Variants in CDH8 observed in about 807,000 individuals in gnomAD.
CDH8 encodes the protein cadherin-8.
A neutral mutation model predicts 68.1 loss-of-function variants in CDH8; 17 were observed. The ratio of observed to expected loss-of-function variants is 0.25; its 90% confidence interval spans 0.17 to 0.37. CDH8 has a LOEUF of 0.37. CDH8 is among the 10% of genes least tolerant of loss of function. CDH8 has a pLI of 1.00. For synonymous variants in CDH8, 372 were observed against 365.1 expected (o/e 1.02, Z -0.21); for missense variants, 763 against 999.3 (o/e 0.76, Z 3.19).
intron 8 of CDH8, chr16:61,743,265 A>G (rs1473092526): frequency 6.6e-6 from 1 of 152,176 alleles, no homozygotes; most frequent in African/African-American, 2.4e-5. Flanking sequence ...TGAAGAATCT[A>G]TCACGGGAGC....
chr16:61,737,492 A>T (rs1215493426), intron 8 of CDH8, among the ~76,000 whole-genome samples: 4 of 152,168 alleles, frequency 2.6e-5, no homozygotes, highest in Non-Finnish European at 4.4e-5. Flanking sequence ...AATAAAATTG[A>T]TGGGAATTTG....
chr16:61,720,368 C>T (rs146713465), intron 9 of CDH8, among the ~76,000 whole-genome samples: 8 of 151,032 alleles, frequency 5.3e-5, no homozygotes, highest in South Asian at 2.1e-4. Context: ...TGGAAACAAG[C>T]GTATTCAGGT....
At chr16:61,802,178 AC>A (rs1961663280) in intron 7 of CDH8, among the ~76,000 whole-genome samples, 1 of 110,788 alleles carries the variant, frequency 9.0e-6, no homozygotes, top group Non-Finnish European at 1.8e-5. Flanking sequence ...GAGCAGCCTA[AC>A]TGGGAGGCAC....
intron 8 of CDH8, among the ~76,000 whole-genome samples, chr16:61,736,222 G>A (rs1292794059): frequency 6.6e-6 from 1 of 152,024 alleles, no homozygotes; most frequent in African/African-American, 2.4e-5. Flanking sequence ...ATGTAAAAAG[G>A]CCCAGAGACC....
In CDH8 at chr16:61,740,807, T is replaced by C. The variant is rs188932211; in HGVS notation, c.1415-13592A>G. ...GTTCTCTTATTGGTGGGCATTTGGGTTCTTTCAGTATTATGCTATTTTGAA... is the reference window on the plus strand; with the variant it reads ...GTTCTCTTATTGGTGGGCATTTGGGCTCTTTCAGTATTATGCTATTTTGAA... On this transcript the variant is annotated intron_variant, in intron 8 of 11. Transcript: ENST00000577390. 4.3e-4 allele frequency among the ~76,000 whole-genome samples: 65 copies of C among 152,286 alleles called. No individual in the cohort carries two copies. In the East Asian group the frequency reaches 0.012, roughly 28 times the overall value.
intron 8 of CDH8, among the ~76,000 whole-genome samples, chr16:61,773,824 T>G (rs1450247729): frequency 1.3e-5 from 2 of 152,094 alleles, no homozygotes; most frequent in Admixed American, 6.6e-5. Flanking sequence ...CTGGGTGATA[T>G]GTGAGGTGAG....
intron 8 of CDH8, among the ~76,000 whole-genome samples, chr16:61,750,336 G>A (rs1379685618): frequency 1.3e-5 from 2 of 152,118 alleles, no homozygotes; most frequent in African/African-American, 4.8e-5. Context: ...GACAGTGGGA[G>A]AGTGAAGTGG....
chr16:61,979,854 T>C (rs1313632150), intron 2 of CDH8, among the ~76,000 whole-genome samples: 1 of 152,218 alleles, frequency 6.6e-6, no homozygotes, highest in Non-Finnish European at 1.5e-5. Flanking sequence ...GACTCTTGTC[T>C]GATTCCGCTT....
intron 4 of CDH8, among the ~76,000 whole-genome samples, chr16:61,852,231 C>T (rs1962951890): frequency 6.6e-6 from 1 of 152,210 alleles, no homozygotes; most frequent in African/African-American, 2.4e-5. Context: ...ACTTCATTCT[C>T]TCCGAAACAC....
intron 2 of CDH8, among the ~76,000 whole-genome samples, chr16:62,017,061 G>C (rs752476631): frequency 2.6e-5 from 4 of 152,152 alleles, no homozygotes; most frequent in African/African-American, 4.8e-5. Flanking sequence ...AAATGCCACT[G>C]AGCTTATATG....
At chr16:61,991,490 T>C (rs891739368) in intron 2 of CDH8, among the ~76,000 whole-genome samples, 3 of 152,186 alleles carry the variant, frequency 2.0e-5, no homozygotes, top group African/African-American at 7.2e-5. Context: ...CAGGGGAAGT[T>C]TACAAAATGC....
intron 2 of CDH8, among the ~76,000 whole-genome samples, chr16:62,014,472 T>C (rs1349899340): frequency 6.6e-6 from 1 of 152,128 alleles, no homozygotes; most frequent in Non-Finnish European, 1.5e-5. Context: ...TGACAGTGAA[T>C]TGTTCCCACA....
intron 2 of CDH8, among the ~76,000 whole-genome samples, chr16:61,985,918 C>CTTTTTTTTTTTT (rs71134380): frequency 2.2e-5 from 2 of 91,110 alleles, no homozygotes; most frequent in Middle Eastern, 0.012. Context: ...CCTTTCTTTA[C>CTTTTTTTTTTTT]TTTTTTTTTT....
At chr16:62,025,019 C>T (rs760950374) in intron 1 of CDH8, among the ~76,000 whole-genome samples, 2 of 152,172 alleles carry the variant, frequency 1.3e-5, no homozygotes, top group South Asian at 2.1e-4. Flanking sequence ...TTCACTGAAA[C>T]GTAGTCTTAG....
chr16:61,674,455 CA>C (rs34845219), intron 10 of CDH8, among the ~76,000 whole-genome samples: 71,380 of 119,524 alleles, frequency 0.6, 18,184 homozygotes, highest in African/African-American at 0.65. Context: ...CTCCAACTCA[CA>C]AAAAAAAAAA....
chr16:61,954,161 G>A (rs1042448964), intron 2 of CDH8, among the ~76,000 whole-genome samples: 2 of 151,688 alleles, frequency 1.3e-5, no homozygotes, highest in African/African-American at 4.8e-5. Context: ...TTCATGTCAG[G>A]GCTTCCCATA....
intron 8 of CDH8, among the ~76,000 whole-genome samples, chr16:61,772,826 C>G (rs975613885): frequency 6.6e-6 from 1 of 152,028 alleles, no homozygotes; most frequent in Non-Finnish European, 1.5e-5. Flanking sequence ...TATGCTTTAA[C>G]AAGCCCTCCA....
chr16:61,777,807 A>G (rs764114310), intron 8 of CDH8, among the ~76,000 whole-genome samples: 2 of 152,120 alleles, frequency 1.3e-5, no homozygotes, highest in Non-Finnish European at 2.9e-5. Flanking sequence ...TGCATCACTT[A>G]TCTCCTTGGA....
At chr16:61,775,130 G>A (rs1403748673) in intron 8 of CDH8, among the ~76,000 whole-genome samples, 4 of 152,140 alleles carry the variant, frequency 2.6e-5, no homozygotes, top group Non-Finnish European at 5.9e-5. Flanking sequence ...TTGGGAGGCC[G>A]AAGCAGGTGA....
Sources: allele counts gnomAD v4.1 joint callset (sites outside exome capture counted in the v4.1 genomes callset), GRCh38; gene constraint gnomAD v4.1.1; transcripts MANE v1.5; gene names NCBI Gene and HGNC (gene_info 2026-07-23, HGNC 2026-07-21).